Variants in BCAS4 observed in about 807,000 individuals in gnomAD.
The protein encoded by BCAS4 is breast carcinoma-amplified sequence 4.
A neutral mutation model predicts 15.7 loss-of-function variants in BCAS4; 9 were observed. The ratio of observed to expected loss-of-function variants is 0.57; its 90% CI spans 0.34 to 1.00. The LOEUF is 1.00. Among genes scored for constraint, BCAS4 ranks in the 50% least tolerant of loss-of-function variants. The probability of loss-of-function intolerance (pLI) is 0.02; values close to 1 mark genes in which losing one functional copy is unlikely to be tolerated. For synonymous variants in BCAS4, 101 were observed against 99.5 expected, an observed-to-expected ratio of 1.02 and a Z score of -0.09; for missense variants, 225 against 239.1, an observed-to-expected ratio of 0.94 and a Z score of 0.39.
chr20:50,798,199 G>A (rs967198800), intron 1 of BCAS4, among the ~76,000 whole-genome samples: 1 of 152,028 alleles, frequency 6.6e-6, no homozygotes, highest in Non-Finnish European at 1.5e-5. Flanking sequence ...GGGAGGCTGA[G>A]GCATAAGAAA....
At chr20:50,797,971 G>T (rs1046640187) in intron 1 of BCAS4, among the ~76,000 whole-genome samples, 4 of 151,750 alleles carry the variant, frequency 2.6e-5, no homozygotes, top group African/African-American at 9.7e-5. Context: ...GGCCACCTAC[G>T]CAATTTTTAG....
At chr20:50,795,393 C>T (rs1310274373) in intron 1 of BCAS4, among the ~76,000 whole-genome samples, 1 of 152,170 alleles carries the variant, frequency 6.6e-6, no homozygotes, top group Non-Finnish European at 1.5e-5. Flanking sequence ...GGCCCAGGCT[C>T]GCTTTCCCTC....
At chr20:50,857,972 C>T (rs1166631419) in intron 4 of BCAS4, among the ~76,000 whole-genome samples, 1 of 152,146 alleles carries the variant, frequency 6.6e-6, no homozygotes, top group Non-Finnish European at 1.5e-5. Flanking sequence ...GAGCTTCCTT[C>T]CATCCACCTC....
chr20:50,850,318 T>C (rs1251317970), intron 4 of BCAS4, among the ~76,000 whole-genome samples: 1 of 152,220 alleles, frequency 6.6e-6, no homozygotes, highest in African/African-American at 2.4e-5. Flanking sequence ...CTTCACTTGC[T>C]CAGAGTCACA....
At chr20:50,816,786 G>A (rs1431205392) in intron 1 of BCAS4, among the ~76,000 whole-genome samples, 3 of 135,222 alleles carry the variant, frequency 2.2e-5, no homozygotes, top group Non-Finnish European at 4.8e-5. Flanking sequence ...CACCATGCCT[G>A]GCTAATTTTT....
chr20:50,815,594 G>A (rs540988463), intron 1 of BCAS4, among the ~76,000 whole-genome samples: 1 of 152,056 alleles, frequency 6.6e-6, no homozygotes, highest in African/African-American at 2.4e-5. Flanking sequence ...CTTTTTCCCC[G>A]TCTTCTCTCC....
chr20:50,803,064 C>G lies in BCAS4; in HGVS notation c.90+7891C>G, dbSNP rs2087947172. On this transcript the variant is annotated intron_variant, in intron 1 of 4. Coordinates refer to ENST00000371608, the MANE Select transcript of BCAS4 (RefSeq NM_198799.4). ...GCTGTGGCGGTATGCACCTACAGTCCCAGCTACTCGGGAGGCTGGGGCATG... is the reference window on the plus strand; with the variant it reads ...GCTGTGGCGGTATGCACCTACAGTCGCAGCTACTCGGGAGGCTGGGGCATG... Among the ~76,000 whole-genome samples, 6 of 152,244 alleles carry G rather than the reference C, an allele frequency of 3.9e-5. No individual in the cohort carries two copies. The South Asian group carries it at 1.2e-3, about 32-fold the overall frequency.
At chr20:50,797,476 C>T (rs547394890) in intron 1 of BCAS4, among the ~76,000 whole-genome samples, 2 of 152,234 alleles carry the variant, frequency 1.3e-5, no homozygotes, top group South Asian at 2.1e-4. Flanking sequence ...GGGAGGATCA[C>T]TTGAGACCAG....
intron 4 of BCAS4, among the ~76,000 whole-genome samples, chr20:50,869,868 C>T (rs1979546858): frequency 6.6e-6 from 1 of 151,496 alleles, no homozygotes; most frequent in South Asian, 2.1e-4. Context: ...CCTGCCTCAG[C>T]CTCCCAAGTA....
At position 50,851,254 on chromosome 20, in the gene BCAS4, A is replaced by G. The variant is rs991640442; in HGVS notation, c.399+9354A>G. ...AGCCACTGCTTCTCCTGCTGCCCCCATCAGCCCTTGCAGTAAAAATGCAGC... is the reference window on the plus strand; with the variant it reads ...AGCCACTGCTTCTCCTGCTGCCCCCGTCAGCCCTTGCAGTAAAAATGCAGC... On this transcript the variant is annotated intron_variant, in intron 4 of 4. Transcript: ENST00000371608. The surrounding 1 kb of genome is among the most constrained non-coding windows in gnomAD (Gnocchi z 4.3). Among the ~76,000 whole-genome samples, 1 of 152,240 alleles carries G rather than the reference A, an allele frequency of 6.6e-6. No homozygotes were observed. Among genetic ancestry groups the G allele is most frequent in the African/African-American group, 2.4e-5 (1 of 41,546 alleles).
At chr20:50,836,368 G>A (rs777829445) in intron 3 of BCAS4, among the ~76,000 whole-genome samples, 1 of 152,108 alleles carries the variant, frequency 6.6e-6, no homozygotes, top group Non-Finnish European at 1.5e-5. Flanking sequence ...AACCCCCTTA[G>A]AGTCAGTTTC....
intron 4 of BCAS4, among the ~76,000 whole-genome samples, chr20:50,863,114 G>A (rs964776975): frequency 2.0e-5 from 3 of 151,888 alleles, no homozygotes; most frequent in African/African-American, 7.3e-5. Flanking sequence ...ACAGGCATGA[G>A]CCACCATGCC....
intron 2 of BCAS4, among the ~76,000 whole-genome samples, chr20:50,821,907 G>A (rs551601582): frequency 3.9e-5 from 6 of 152,256 alleles, no homozygotes; most frequent in African/African-American, 1.4e-4. Context: ...CTTCTACTGT[G>A]GGGCCATGGA....
At chr20:50,796,956 G>A (rs764277209) in intron 1 of BCAS4, among the ~76,000 whole-genome samples, 7 of 150,952 alleles carry the variant, frequency 4.6e-5, no homozygotes, top group East Asian at 2.0e-4. Flanking sequence ...TCAGCCTCCC[G>A]CATAGCCAGG....
In BCAS4 at chr20:50,876,530, G is replaced by C; in HGVS notation, c.444G>C (p.Leu148=). 6.2e-7 allele frequency: 1 copy of C among 1,614,018 alleles called. No homozygotes were observed. The highest frequency in any genetic ancestry group is 8.5e-7 in the Non-Finnish European group (1 of 1,179,976). The change falls in exon 5 of 5, where the codon CTG becomes CTC. Residue 148 remains leucine, a synonymous_variant. Transcript: ENST00000371608. ...PVPVTYELPT[L]YRTEDYFPVD... ...CCGTGACGTACGAGCTGCCCACACT[G>C]TATAGGACGGAGGACTATTTTCCTG...
At chr20:50,813,999 G>T (rs769296890) in intron 1 of BCAS4, among the ~76,000 whole-genome samples, 15 of 152,142 alleles carry the variant, frequency 9.9e-5, no homozygotes, top group African/African-American at 3.6e-4. Context: ...AAAAAGGCAC[G>T]TGGGCTGCAG....
chr20:50,877,129 C>T lies in BCAS4; in HGVS notation c.*521C>T, dbSNP rs528736241. On this transcript the variant is annotated 3_prime_UTR_variant, in exon 5 of 5. Transcript: ENST00000371608. ...TGCTGCTTCTGTTGCCTCCAGACCT[C>T]GGTGCCCACAGCCTTGAGGATCCTT... is the stretch of plus-strand genomic sequence containing the variant. 2.9e-4 allele frequency: 44 copies of T among 153,288 alleles called. No homozygotes were observed. The South Asian group carries it at 5.9e-3, about 21-fold the overall frequency. 9.5% of individuals were successfully genotyped at this position (153,288 alleles called of 1,614,324 possible).
chr20:50,818,802 T>G (rs1173524907), intron 2 of BCAS4, among the ~76,000 whole-genome samples: 1 of 152,172 alleles, frequency 6.6e-6, no homozygotes, highest in Non-Finnish European at 1.5e-5. Flanking sequence ...CTCTGTCTGG[T>G]TGGCCCAAAT....
intron 4 of BCAS4, among the ~76,000 whole-genome samples, chr20:50,862,707 G>A (rs1455411546): frequency 6.6e-6 from 1 of 152,020 alleles, no homozygotes. Flanking sequence ...CTGCACTTGG[G>A]CTGTGCTTCT....
Sources: gnomAD v4.1 joint callset for allele counts (sites outside exome capture counted in the v4.1 genomes callset) on GRCh38, gnomAD v4.1.1 for gene constraint, Gnocchi (gnomAD v3.1) non-coding constraint, MANE v1.5 for transcripts, NCBI Gene and HGNC (gene_info 2026-07-23, HGNC 2026-07-21) for gene names.